The following ANO6 variants were observed in gnomAD, a reference collection of about 807,000 sequenced individuals.
ANO6 encodes the protein anoctamin 6.
A neutral mutation model predicts 117.5 loss-of-function variants in ANO6; 106 were observed. The ratio of observed to expected loss-of-function variants is 0.90; its 90% CI spans 0.77 to 1.06. The LOEUF is 1.06. ANO6 is among the 50% of genes least tolerant of loss of function. ANO6 has a pLI of 0.00. For synonymous variants in ANO6, 367 were observed against 385.1 expected, an observed-to-expected ratio of 0.95 and a Z score of 0.55; for missense variants, 955 against 1,121.1, an observed-to-expected ratio of 0.85 and a Z score of 2.12.
Position 45,347,102 on chromosome 12 carries a change from C to G in ANO6, c.345+15C>G, listed in dbSNP as rs371240077. 22 of 1,613,452 alleles carry G rather than the reference C, an allele frequency of 1.4e-5. No homozygotes were observed. In the African/African-American group the frequency reaches 2.3e-4, roughly 17 times the overall value. On this transcript the variant is annotated intron_variant, in intron 4 of 19. Transcript: ENST00000320560. ...CAACAAGATCAGTAAGTACTGGTCC[C>G]TTTTCAGCCCTCGGCTGACCACTGT...
chr12:45,438,016 C>T (rs919842934), intron 19 of ANO6, among the ~76,000 whole-genome samples: 4 of 152,190 alleles, frequency 2.6e-5, no homozygotes, highest in Admixed American at 6.5e-5. Flanking sequence ...TCTTTCCACT[C>T]TCTATGCATG....
At chr12:45,321,977 T>G (rs1940290142) in intron 2 of ANO6, among the ~76,000 whole-genome samples, 1 of 152,060 alleles carries the variant, frequency 6.6e-6, no homozygotes, top group Admixed American at 6.6e-5. Flanking sequence ...TGTGAGCATG[T>G]GGTGGTGAAG....
exon 20 of ANO6, chr12:45,440,277 T>C (rs1239925261): frequency 6.2e-6 from 1 of 160,460 alleles, no homozygotes; most frequent in Non-Finnish European, 1.3e-5. Context: ...TCTTACTCTG[T>C]CACCCAGGCT....
chr12:45,286,984 A>G (rs1235052391), intron 1 of ANO6, among the ~76,000 whole-genome samples: 4 of 152,214 alleles, frequency 2.6e-5, no homozygotes, highest in Non-Finnish European at 5.9e-5. Flanking sequence ...TTGGTCAGTC[A>G]TTCAAGAGAT....
intron 2 of ANO6, among the ~76,000 whole-genome samples, chr12:45,325,842 G>A (rs968695713): frequency 1.4e-4 from 21 of 152,172 alleles, no homozygotes; most frequent in Non-Finnish European, 2.2e-4. Context: ...GTGGGTTTAC[G>A]AAAAAGATTC....
At chr12:45,294,620 A>G (rs1023060394) in intron 1 of ANO6, among the ~76,000 whole-genome samples, 3 of 152,220 alleles carry the variant, frequency 2.0e-5, no homozygotes, top group Admixed American at 6.5e-5. Context: ...GTTAATGTAA[A>G]TAGTAAGTCA....
At chr12:45,308,964 G>T (rs1217479556) in intron 2 of ANO6, among the ~76,000 whole-genome samples, 1 of 152,128 alleles carries the variant, frequency 6.6e-6, no homozygotes, top group African/African-American at 2.4e-5. Flanking sequence ...GAAGAAAGAA[G>T]AGGGTTGGCA....
chr12:45,269,394 T>C (rs1481383989), intron 1 of ANO6, among the ~76,000 whole-genome samples: 1 of 152,178 alleles, frequency 6.6e-6, no homozygotes, highest in Non-Finnish European at 1.5e-5. Flanking sequence ...CAGAATCCAG[T>C]GTGAAGGCCC....
intron 15 of ANO6, among the ~76,000 whole-genome samples, chr12:45,405,691 C>T (rs889451024): frequency 6.6e-6 from 1 of 152,182 alleles, no homozygotes; most frequent in African/African-American, 2.4e-5. Context: ...GGTCAGATCA[C>T]CTGAGGTCGG....
intron 3 of ANO6, among the ~76,000 whole-genome samples, chr12:45,337,439 A>G (rs954567616): frequency 6.6e-6 from 1 of 152,052 alleles, no homozygotes; most frequent in African/African-American, 2.4e-5. Flanking sequence ...GGTAGGCTAC[A>G]CCTTCTAGGT....
intron 1 of ANO6, among the ~76,000 whole-genome samples, chr12:45,272,415 T>C (rs1938423265): frequency 6.6e-6 from 1 of 152,170 alleles, no homozygotes; most frequent in African/African-American, 2.4e-5. Flanking sequence ...CCCTGCAAAT[T>C]AGGATTTATT....
In ANO6 at chr12:45,216,189, G is replaced by A; in HGVS notation, c.-133G>A. On this transcript the variant is annotated 5_prime_UTR_variant, in exon 1 of 20. Coordinates refer to ENST00000320560, the MANE Select transcript of ANO6 (RefSeq NM_001025356.3). ...GCTCGGCTTTCCCCGGCGCTGGCTG[G>A]GCTCAGCGGCCCCTGAGCCCAAGCG... 1 of 1,046,192 alleles carries A rather than the reference G, an allele frequency of 9.6e-7. No individual in the cohort carries two copies. The highest frequency in any genetic ancestry group is 1.4e-6 in the Non-Finnish European group (1 of 703,768). The allele number at this position is 1,046,192 out of a possible 1,614,324, so 64.8% of individuals were successfully genotyped here. A position where few individuals can be genotyped will look rare whatever the true frequency, so the allele number is the denominator to read the frequency against.
intron 7 of ANO6, among the ~76,000 whole-genome samples, chr12:45,351,576 T>G (rs1941281598): frequency 6.6e-6 from 1 of 151,622 alleles, no homozygotes; most frequent in African/African-American, 2.4e-5. Context: ...GAGTGGGAAG[T>G]GAGTTGAGGG....
intron 1 of ANO6, among the ~76,000 whole-genome samples, chr12:45,238,493 C>T (rs1194647160): frequency 6.6e-6 from 1 of 152,106 alleles, no homozygotes; most frequent in Non-Finnish European, 1.5e-5. Flanking sequence ...CATCTACAAA[C>T]AGGGACAGTC....
intron 7 of ANO6, among the ~76,000 whole-genome samples, chr12:45,351,039 T>C (rs1941267217): frequency 6.6e-6 from 1 of 152,212 alleles, no homozygotes; most frequent in Admixed American, 6.5e-5. Context: ...ACATGGTTGA[T>C]CTTCTGGCAT....
chr12:45,399,045 A>G (rs2137618140), intron 12 of ANO6, among the ~76,000 whole-genome samples: 1 of 152,200 alleles, frequency 6.6e-6, no homozygotes. Flanking sequence ...TGCAGACCAG[A>G]TATTGTCAAG....
chr12:45,226,825 A>T (rs1206684582), intron 1 of ANO6, among the ~76,000 whole-genome samples: 1 of 151,774 alleles, frequency 6.6e-6, no homozygotes, highest in Non-Finnish European at 1.5e-5. Context: ...TATGAAACTC[A>T]ATAAGATCCT....
At position 45,310,702 on chromosome 12, in the gene ANO6, A is replaced by G. The variant is rs145835484; in HGVS notation, c.150+8609A>G. ...GAGTATAATTGTTCCAAATGAGTTA[A>G]CCAGGGTATTAAAAGAGCTTGTAGA... On this transcript the variant is annotated intron_variant, in intron 2 of 19. Coordinates refer to ENST00000320560, the MANE Select transcript of ANO6 (RefSeq NM_001025356.3). Among the ~76,000 whole-genome samples, 410 of 152,230 alleles carry G rather than the reference A, an allele frequency of 2.7e-3. 2 individuals are homozygous for G. Among genetic ancestry groups the G allele is most frequent in the African/African-American group, 9.5e-3 (393 of 41,552 alleles).
chr12:45,436,028 G>A (rs1294000081), downstream of ANO6, among the ~76,000 whole-genome samples: 1 of 152,158 alleles, frequency 6.6e-6, no homozygotes, highest in African/African-American at 2.4e-5. Context: ...AGTCAGACTT[G>A]TAGGAGGTCA....
Sources: allele counts gnomAD v4.1 joint callset (sites outside exome capture counted in the v4.1 genomes callset), GRCh38; gene constraint gnomAD v4.1.1; transcripts MANE v1.5; gene names NCBI Gene and HGNC (gene_info 2026-07-23, HGNC 2026-07-21).